The following CD8B2 variants were observed in gnomAD, a reference collection of about 807,000 sequenced individuals.
The protein encoded by CD8B2 is CD8B family member 2.
CD8B2 carries 11 observed loss-of-function variants against 23.7 expected under a neutral mutation model. The observed-to-expected ratio is 0.46, with a 90% CI of 0.29 to 0.77. CD8B2 has a LOEUF of 0.77. Ranked by LOEUF, CD8B2 falls within the 30% of genes least tolerant of loss-of-function variation. The pLI, the probability that CD8B2 is intolerant of heterozygous loss-of-function variation, is 0.09. For synonymous variants in CD8B2, 90 were observed against 109.3 expected, an observed-to-expected ratio of 0.82 and a Z score of 1.10; for missense variants, 197 against 270.5, an observed-to-expected ratio of 0.73 and a Z score of 1.91.
chr2:106,544,285 C>T (rs990394693), exon 6 of CD8B2: 1 of 376,630 alleles, frequency 2.7e-6, no homozygotes, highest in African/African-American at 2.1e-5. Context: ...AAATAAACGT[C>T]TTAATGACTA....
At chr2:106,496,342 C>T (rs1679299250) in intron 3 of CD8B2, 80 bp downstream of exon 3, 2 of 1,395,914 alleles carry the variant, frequency 1.4e-6, no homozygotes, top group Admixed American at 2.5e-5. Flanking sequence ...CTTCCTTCCC[C>T]AGGCACTTTC....
chr2:106,508,319 C>G lies in CD8B2; in HGVS notation c.*1379C>G, dbSNP rs1679552138. On this transcript the variant is annotated 3_prime_UTR_variant, in exon 6 of 6. Coordinates refer to ENST00000643224, the MANE Select transcript of CD8B2 (RefSeq NM_001349727.2). ...TATGTTCAGTTACCTGTGACAACCA[C>G]AGAATGTAAGAAATGTTACAAAAAA... The G allele has an allele frequency of 6.6e-6, 1 of 152,110 alleles. No homozygotes were observed. Among genetic ancestry groups the G allele is most frequent in the Non-Finnish European group, 1.5e-5 (1 of 68,038 alleles). The allele number at this position is 152,110 out of a possible 1,614,324, so 9.4% of individuals were successfully genotyped here.
chr2:106,543,234 A>G (rs758160138), intron 5 of CD8B2: 3 of 152,190 alleles, frequency 2.0e-5, no homozygotes, highest in Non-Finnish European at 2.9e-5. Context: ...TTCAAATAAA[A>G]TATCAGGCTT....
intron 3 of CD8B2, among the ~76,000 whole-genome samples, chr2:106,501,758 CT>C (rs149978484): frequency 2.4e-3 from 371 of 152,232 alleles, no homozygotes; most frequent in African/African-American, 8.8e-3. Flanking sequence ...GAGAAAGTTA[CT>C]AAATTATCAA....
At chr2:106,539,535 T>TG (rs1231067018) in intron 5 of CD8B2, among the ~76,000 whole-genome samples, 1 of 152,188 alleles carries the variant, frequency 6.6e-6, no homozygotes, top group East Asian at 1.9e-4. Flanking sequence ...GGTCTTACTG[T>TG]GGAATTAGGG....
At chr2:106,522,381 A>G (rs1272387972) in intron 5 of CD8B2, among the ~76,000 whole-genome samples, 1 of 152,224 alleles carries the variant, frequency 6.6e-6, no homozygotes, top group East Asian at 1.9e-4. Flanking sequence ...AGATGTCCAC[A>G]ATTTAAATAT....
chr2:106,532,531 C>T (rs1680003447), intron 5 of CD8B2, among the ~76,000 whole-genome samples: 1 of 152,190 alleles, frequency 6.6e-6, no homozygotes, highest in Non-Finnish European at 1.5e-5. Context: ...GCTCCATAGG[C>T]AGAGTAGCCC....
intron 5 of CD8B2, among the ~76,000 whole-genome samples, chr2:106,539,356 T>C (rs1680138735): frequency 6.6e-6 from 1 of 152,164 alleles, no homozygotes; most frequent in East Asian, 1.9e-4. Context: ...ATATATATAT[T>C]GGTCCCAAAA....
chr2:106,490,070 G>A (rs535932252), intron 1 of CD8B2, among the ~76,000 whole-genome samples: 2 of 152,112 alleles, frequency 1.3e-5, no homozygotes, highest in African/African-American at 4.8e-5. Context: ...TGCTGGGCTC[G>A]GGGGTCATGG....
chr2:106,516,405 C>T (rs1488946937), intron 5 of CD8B2, among the ~76,000 whole-genome samples: 1 of 152,188 alleles, frequency 6.6e-6, no homozygotes, highest in African/African-American at 2.4e-5. Context: ...CCGATACCTT[C>T]TTTCCCGATG....
chr2:106,507,771 C>T lies in CD8B2; in HGVS notation c.*831C>T, dbSNP rs2104560807. ...AAATTTGTACATCCTCCTTTTGCACCTGAGATCCTCATTTGCCCGACATTG... is the reference window on the plus strand; with the variant it reads ...AAATTTGTACATCCTCCTTTTGCACTTGAGATCCTCATTTGCCCGACATTG... On this transcript the variant is annotated 3_prime_UTR_variant, in exon 6 of 6. Transcript: ENST00000643224. 1 of 394,488 alleles carries T rather than the reference C, an allele frequency of 2.5e-6. No homozygotes were observed. The highest frequency in any genetic ancestry group is 1.1e-4 in the South Asian group (1 of 9,416). 24.4% of individuals were successfully genotyped at this position (394,488 alleles called of 1,614,324 possible).
chr2:106,497,322 A>G (rs1679318509), intron 3 of CD8B2, among the ~76,000 whole-genome samples: 1 of 152,174 alleles, frequency 6.6e-6, no homozygotes, highest in Non-Finnish European at 1.5e-5. Context: ...AATACACAGT[A>G]TGTGCTAGTT....
intron 1 of CD8B2, among the ~76,000 whole-genome samples, chr2:106,490,400 G>A (rs1351172609): frequency 6.6e-6 from 1 of 152,124 alleles, no homozygotes; most frequent in South Asian, 2.1e-4. Flanking sequence ...GGTGGTACAT[G>A]CCTATAGTCT....
At chr2:106,496,318 C>T (rs1573330911) in intron 3 of CD8B2, 56 bp downstream of exon 3, 2 of 1,096,696 alleles carry the variant, frequency 1.8e-6, no homozygotes, top group East Asian at 5.3e-5. Context: ...CCCTTGCCCT[C>T]CCTCCCTCCC....
intron 1 of CD8B2, among the ~76,000 whole-genome samples, chr2:106,488,657 C>T (rs1042835538): frequency 5.9e-5 from 9 of 152,154 alleles, no homozygotes; most frequent in Admixed American, 3.9e-4. Context: ...TTCTGGGGTC[C>T]CACAAGCTGG....
intron 5 of CD8B2, among the ~76,000 whole-genome samples, chr2:106,528,688 G>A (rs1436767955): frequency 6.6e-6 from 1 of 152,200 alleles, no homozygotes; most frequent in Non-Finnish European, 1.5e-5. Context: ...TTAGCTGTTG[G>A]TGAATATTTA....
intron 5 of CD8B2, among the ~76,000 whole-genome samples, chr2:106,530,409 C>G (rs964862003): frequency 1.6e-4 from 25 of 152,168 alleles, no homozygotes; most frequent in African/African-American, 5.8e-4. Context: ...GAGATGGAGT[C>G]TCGCTGTCGC....
At chr2:106,490,172 G>C (rs1242965690) in intron 1 of CD8B2, among the ~76,000 whole-genome samples, 1 of 151,994 alleles carries the variant, frequency 6.6e-6, no homozygotes, top group Admixed American at 6.6e-5. Context: ...AGCCTGTCCT[G>C]GGTCTCCTTC....
chr2:106,530,839 T>C (rs892475130), intron 5 of CD8B2, among the ~76,000 whole-genome samples: 3 of 152,188 alleles, frequency 2.0e-5, no homozygotes, highest in African/African-American at 7.2e-5. Flanking sequence ...GAGTGACCTC[T>C]GGTCATCCTC....
Sources: allele counts gnomAD v4.1 joint callset (sites outside exome capture counted in the v4.1 genomes callset), GRCh38; gene constraint gnomAD v4.1.1; transcripts MANE v1.5; gene names NCBI Gene and HGNC (gene_info 2026-07-23, HGNC 2026-07-21).